The following SFRP1 variants were observed in gnomAD, a reference collection of about 807,000 sequenced individuals.
SFRP1 encodes secreted frizzled related protein 1.
Under a neutral mutation model 25.9 loss-of-function variants are expected in SFRP1, and 9 were observed. The ratio of observed to expected loss-of-function variants is 0.35; its 90% CI spans 0.21 to 0.61. The LOEUF is 0.61. Among genes scored for constraint, SFRP1 ranks in the 20% least tolerant of loss-of-function variants. The pLI is 0.78. For missense variants in SFRP1, 346 were observed against 418.2 expected (o/e 0.83, Z 1.51); for synonymous variants, 178 against 174.0 (o/e 1.02, Z -0.18).
At chr8:41,308,575 T>A in intron 1 of SFRP1, 41 bp downstream of exon 1, 1 of 1,475,160 alleles carries the variant, frequency 6.8e-7, no homozygotes. Context: ...GGCCGGGGGA[T>A]GGAGGGGGCG....
At position 41,308,905 on chromosome 8, in the gene SFRP1, C is replaced by T; in HGVS notation, c.255G>A (p.Glu85=). Residue 85 remains glutamate (E), a synonymous_variant, in exon 1 of 3, where the codon GAG becomes GAA. Coordinates refer to ENST00000220772, the MANE Select transcript of SFRP1 (RefSeq NM_003012.5). ...CCTGCTGCTTCACCTCCGCCATGGT[C>T]TCGTGCTCCAGCAGGTTGGGCAGCA... ...KMVLPNLLEH[E]TMAEVKQQAS... 1 of 1,612,650 alleles carries T rather than the reference C, an allele frequency of 6.2e-7. No individual in the cohort carries two copies. The highest frequency in any genetic ancestry group is 8.5e-7 in the Non-Finnish European group (1 of 1,179,882).
intron 2 of SFRP1, among the ~76,000 whole-genome samples, chr8:41,288,574 A>G (rs1006891515): frequency 3.6e-5 from 5 of 139,792 alleles, no homozygotes. Context: ...AAAAACTGCA[A>G]TGCACTTTGT....
At position 41,308,658 on chromosome 8, in the gene SFRP1, C is replaced by A. The variant is rs763220830; in HGVS notation, c.502G>T (p.Ala168Ser). Residue 168 changes from alanine to serine, a missense_variant, in exon 1 of 3, where the codon GCC (alanine) becomes TCC (serine). Physicochemically the swap from Ala to Ser is moderately conservative, Grantham distance 99. Coordinates refer to ENST00000220772, the MANE Select transcript of SFRP1 (RefSeq NM_003012.5). Reference protein sequence around the residue: ...DKFPEGDVCIAMTPPNATEAS... With the variant: ...DKFPEGDVCISMTPPNATEAS... ...TCGGTGGCATTGGGCGGCGTCATGGCGATGCAGACGTCCCCCTCGGGGAAC... is the reference window on the plus strand; with the variant it reads ...TCGGTGGCATTGGGCGGCGTCATGGAGATGCAGACGTCCCCCTCGGGGAAC... 8.1e-6 allele frequency: 13 copies of A among 1,609,194 alleles called. No individual in the cohort carries two copies. Among genetic ancestry groups the A allele is most frequent in the Non-Finnish European group, 1.1e-5 (13 of 1,177,158 alleles).
intron 1 of SFRP1, chr8:41,306,832 G>A (rs753691503): frequency 2.1e-5 from 33 of 1,598,016 alleles, no homozygotes; most frequent in Admixed American, 3.3e-5. Context: ...CCGGAAGACA[G>A]CGATTATGGG....
In SFRP1 at chr8:41,296,281, G is replaced by A. The variant is rs940174964; in HGVS notation, c.622+7180C>T. Among the ~76,000 whole-genome samples the A allele has an allele frequency of 5.9e-5, 9 of 152,272 alleles. No homozygotes were observed. The South Asian group carries it at 6.2e-4, about 11-fold the overall frequency. On this transcript the variant is annotated intron_variant, in intron 2 of 2. Coordinates refer to ENST00000220772, the MANE Select transcript of SFRP1 (RefSeq NM_003012.5). ...AGTGTTTACCTTGGTAAAAATTCAC[G>A]GGAAATCTTAGTCTGAACAGGCCCA...
At chr8:41,301,856 C>T (rs1310661558) in intron 2 of SFRP1, among the ~76,000 whole-genome samples, 2 of 152,150 alleles carry the variant, frequency 1.3e-5, no homozygotes, top group East Asian at 3.9e-4. Context: ...GTGTACAGAA[C>T]GCTGGCTGAT....
At position 41,299,409 on chromosome 8, in the gene SFRP1, T is replaced by TG. The variant is rs773524603; in HGVS notation, c.622+4051dup. 5.0e-4 allele frequency among the ~76,000 whole-genome samples: 75 copies of TG among 148,990 alleles called. 5 individuals carry two copies. Among genetic ancestry groups the TG allele is most frequent in the East Asian group, 4.5e-3 (23 of 5,076 alleles). On this transcript the variant is annotated intron_variant, in intron 2 of 2. Transcript: ENST00000220772. ...TCTTTTAAACATGTATACATGTATA[T>TG]GCTCAGTCACCCAAAACAGGGCATG...
chr8:41,287,732 T>C (rs939464290), intron 2 of SFRP1, among the ~76,000 whole-genome samples: 1 of 152,226 alleles, frequency 6.6e-6, no homozygotes, highest in Non-Finnish European at 1.5e-5. Flanking sequence ...TTACCATTAC[T>C]ATCCTGGCTT....
At chr8:41,287,362 G>C (rs951632913) in intron 2 of SFRP1, among the ~76,000 whole-genome samples, 1 of 152,184 alleles carries the variant, frequency 6.6e-6, no homozygotes, top group Non-Finnish European at 1.5e-5. Flanking sequence ...CTCTGCCATC[G>C]GCCACCATGG....
At chr8:41,269,610 C>G (rs1429388461) in intron 2 of SFRP1, among the ~76,000 whole-genome samples, 1 of 152,202 alleles carries the variant, frequency 6.6e-6, no homozygotes, top group African/African-American at 2.4e-5. Context: ...TCACATTCTT[C>G]AAAGCCGTCT....
intron 1 of SFRP1, among the ~76,000 whole-genome samples, chr8:41,307,161 G>T (rs189510641): frequency 6.6e-5 from 10 of 152,350 alleles, no homozygotes; most frequent in Non-Finnish European, 1.3e-4. Flanking sequence ...AACACAAGGC[G>T]CTTTGTTTGC....
At chr8:41,292,139 C>T (rs1803787085) in intron 2 of SFRP1, among the ~76,000 whole-genome samples, 1 of 152,232 alleles carries the variant, frequency 6.6e-6, no homozygotes, top group Non-Finnish European at 1.5e-5. Flanking sequence ...CAGGTAAGAG[C>T]TATCTATAGC....
intron 2 of SFRP1, among the ~76,000 whole-genome samples, chr8:41,300,362 G>A (rs1803899341): frequency 1.3e-5 from 2 of 152,228 alleles, no homozygotes; most frequent in South Asian, 4.1e-4. Context: ...AGTTTCTAGG[G>A]GCAAAGAAAT....
chr8:41,269,420 G>A (rs1803475363), intron 2 of SFRP1, among the ~76,000 whole-genome samples: 1 of 152,048 alleles, frequency 6.6e-6, no homozygotes, highest in South Asian at 2.1e-4. Flanking sequence ...GTCTTTCTCG[G>A]GAAATCTTAA....
At chr8:41,278,865 C>G (rs1803601871) in intron 2 of SFRP1, among the ~76,000 whole-genome samples, 1 of 152,198 alleles carries the variant, frequency 6.6e-6, no homozygotes, top group Non-Finnish European at 1.5e-5. Flanking sequence ...AGTCCAATGC[C>G]TCTGCAAAAT....
At chr8:41,305,569 T>G (rs1803985261) in intron 1 of SFRP1, among the ~76,000 whole-genome samples, 1 of 152,338 alleles carries the variant, frequency 6.6e-6, no homozygotes, top group Non-Finnish European at 1.5e-5. Context: ...TGGTGCGTCT[T>G]GGGGCTCTAC....
chr8:41,300,818 G>A (rs924048025), intron 2 of SFRP1, among the ~76,000 whole-genome samples: 2 of 152,198 alleles, frequency 1.3e-5, no homozygotes, highest in African/African-American at 4.8e-5. Flanking sequence ...CAGGCTGGTC[G>A]CCATGTTCGA....
At chr8:41,270,841 G>T (rs1482583285) in intron 2 of SFRP1, among the ~76,000 whole-genome samples, 1 of 149,092 alleles carries the variant, frequency 6.7e-6, no homozygotes, top group African/African-American at 2.5e-5. Flanking sequence ...AAAAGAAAAA[G>T]AAAAGAAAAG....
At chr8:41,274,706 A>G (rs1176694867) in intron 2 of SFRP1, among the ~76,000 whole-genome samples, 1 of 152,212 alleles carries the variant, frequency 6.6e-6, no homozygotes, top group African/African-American at 2.4e-5. Flanking sequence ...TAGGAACTAG[A>G]GGTGGGAAGG....
Sources: allele counts gnomAD v4.1 joint callset (sites outside exome capture counted in the v4.1 genomes callset), GRCh38; gene constraint gnomAD v4.1.1; transcripts MANE v1.5; gene names NCBI Gene and HGNC (gene_info 2026-07-23, HGNC 2026-07-21).